The following CDKL4 variants were observed in gnomAD, a reference collection of about 807,000 sequenced individuals.
The protein encoded by CDKL4 is cyclin dependent kinase like 4, also known as cyclin-dependent kinase-like 4.
A neutral mutation model predicts 42.0 loss-of-function variants in CDKL4; 44 were observed. That is an observed-to-expected ratio of 1.05 (90% CI 0.82 to 1.35). The LOEUF is 1.35. Ranked by LOEUF, CDKL4 falls within the 40% of genes most tolerant of loss-of-function variation. The probability of loss-of-function intolerance (pLI) is 0.00; values close to 1 mark genes in which losing one functional copy is unlikely to be tolerated. For synonymous variants in CDKL4, 120 were observed against 121.6 expected, an observed-to-expected ratio of 0.99 and a Z score of 0.09; for missense variants, 393 against 369.9, an observed-to-expected ratio of 1.06 and a Z score of -0.51.
intron 6 of CDKL4, among the ~76,000 whole-genome samples, chr2:39,189,018 TC>T (rs1215192661): frequency 6.6e-6 from 1 of 152,176 alleles, no homozygotes; most frequent in Non-Finnish European, 1.5e-5. Flanking sequence ...GGATTTAAAC[TC>T]AGGTATGTAA....
intron 6 of CDKL4, among the ~76,000 whole-genome samples, chr2:39,188,222 C>T (rs538967612): frequency 6.6e-6 from 1 of 152,246 alleles, no homozygotes; most frequent in African/African-American, 2.4e-5. Context: ...AAGGCCAGTT[C>T]TCCCAAACCA....
chr2:39,223,174 T>C (rs902939951), intron 3 of CDKL4, among the ~76,000 whole-genome samples: 1 of 152,200 alleles, frequency 6.6e-6, no homozygotes, highest in Non-Finnish European at 1.5e-5. Flanking sequence ...TATGGATGGA[T>C]ATACCAAAAT....
chr2:39,226,275 T>A lies in CDKL4; in HGVS notation c.169-315A>T, dbSNP rs149433439. ...AAAAATAATCAATATCCACTCAGCT[T>A]ACATATTGCCATGGATTTTATGGAT... On this transcript the variant is annotated intron_variant, in intron 2 of 9. Coordinates refer to ENST00000451199, the Ensembl canonical transcript of CDKL4. Among the ~76,000 whole-genome samples, 285 of 151,644 alleles carry A rather than the reference T, an allele frequency of 1.9e-3. 2 individuals carry two copies. Among genetic ancestry groups the A allele is most frequent in the African/African-American group, 6.7e-3 (277 of 41,396 alleles).
At chr2:39,190,588 A>G (rs1676126259) in intron 5 of CDKL4, 86 bp from the exon 6 acceptor site, 1 of 1,139,722 alleles carries the variant, frequency 8.8e-7, no homozygotes, top group African/African-American at 1.5e-5. Flanking sequence ...TCAGGCTGCA[A>G]TAACCATCAG....
At chr2:39,184,700 G>C (rs910139526) in intron 7 of CDKL4, 53 bp from the exon 8 acceptor site, 1 of 1,215,572 alleles carries the variant, frequency 8.2e-7, no homozygotes, top group South Asian at 1.2e-5. Flanking sequence ...AGTAATATGT[G>C]TGTGTATATA....
At chr2:39,242,720 G>A (rs1375100429) in intron 1 of CDKL4, among the ~76,000 whole-genome samples, 1 of 152,192 alleles carries the variant, frequency 6.6e-6, no homozygotes, top group East Asian at 1.9e-4. Flanking sequence ...ATCAAGAAAG[G>A]GAGAGGTAGA....
chr2:39,179,124 GCAGA>G, intron 9 of CDKL4, 59 bp downstream of exon 9: 1 of 1,560,524 alleles, frequency 6.4e-7, no homozygotes, highest in South Asian at 1.3e-5. Context: ...ACTTTGAAAG[GCAGA>G]CAAACAAAAA....
At chr2:39,172,322 A>G (rs1675023764), downstream of CDKL4, among the ~76,000 whole-genome samples, 1 of 149,436 alleles carries the variant, frequency 6.7e-6, no homozygotes, top group South Asian at 2.1e-4. Flanking sequence ...CCCGCTCCGA[A>G]AAAAAAAAAA....
rs147600621 is a variant in CDKL4 at position 39,205,518 on chromosome 2, T to C, written c.364-901A>G. 7.4e-3 allele frequency among the ~76,000 whole-genome samples: 1,113 copies of C among 151,426 alleles called. 11 individuals carry two copies. Among genetic ancestry groups the C allele is most frequent in the African/African-American group, 0.026 (1,068 of 41,298 alleles). On this transcript the variant is annotated intron_variant, in intron 4 of 9. Coordinates refer to ENST00000451199, the Ensembl canonical transcript of CDKL4. ...GGCTCGCGCCTGTAATCCAGCACTT[T>C]GGGAGGCCGAGGCGGGCAGATCACG...
chr2:39,231,918 A>G (rs1679110151), intron 1 of CDKL4, among the ~76,000 whole-genome samples: 2 of 152,206 alleles, frequency 1.3e-5, no homozygotes, highest in Non-Finnish European at 2.9e-5. Context: ...CCCTGTCTCT[A>G]AAATAAAATG....
chr2:39,206,061 G>GT (rs11338393), intron 4 of CDKL4, among the ~76,000 whole-genome samples: 29 of 148,532 alleles, frequency 2.0e-4, no homozygotes, highest in African/African-American at 5.0e-4. Flanking sequence ...TTTGTTTTTT[G>GT]TTTTTTTTTT....
intron 1 of CDKL4, among the ~76,000 whole-genome samples, chr2:39,237,627 G>C (rs949518585): frequency 6.6e-6 from 1 of 152,188 alleles, no homozygotes; most frequent in Non-Finnish European, 1.5e-5. Flanking sequence ...AGGCCAAGGT[G>C]GGAGGATTGC....
intron 1 of CDKL4, among the ~76,000 whole-genome samples, chr2:39,237,707 A>G (rs1679446190): frequency 6.6e-6 from 1 of 152,218 alleles, no homozygotes; most frequent in Non-Finnish European, 1.5e-5. Flanking sequence ...ATAAATAGTT[A>G]TTAAATGAAG....
rs1167370938 is a variant in CDKL4, at chr2:39,180,686, CTT to C, written c.793-1367_793-1366del. 3.1e-3 allele frequency among the ~76,000 whole-genome samples: 380 copies of C among 121,044 alleles called. 1 individual carries two copies. Among genetic ancestry groups the C allele is most frequent in the African/African-American group, 0.012 (343 of 29,624 alleles). 79.4% of individuals were successfully genotyped at this position (121,044 alleles called of 152,430 possible). ...TAGGGCTACAATCAGGAGAGAAAGA[CTT>C]TTTTTTTTTTTTTTTTTTTTGAGAC... On this transcript the variant is annotated intron_variant, in intron 8 of 9. Coordinates refer to ENST00000451199, the Ensembl canonical transcript of CDKL4.
intron 5 of CDKL4, among the ~76,000 whole-genome samples, chr2:39,190,891 C>T (rs1676143597): frequency 6.6e-6 from 1 of 152,108 alleles, no homozygotes; most frequent in African/African-American, 2.4e-5. Context: ...TTCTTGCTAC[C>T]TGTGAATGTG....
At chr2:39,202,467 C>G (rs1676916531) in intron 5 of CDKL4, among the ~76,000 whole-genome samples, 1 of 152,126 alleles carries the variant, frequency 6.6e-6, no homozygotes, top group Non-Finnish European at 1.5e-5. Context: ...AATATTTTCT[C>G]CCTTTCCATG....
chr2:39,221,531 A>T (rs1678374121), intron 3 of CDKL4, among the ~76,000 whole-genome samples: 1 of 152,238 alleles, frequency 6.6e-6, no homozygotes, highest in Non-Finnish European at 1.5e-5. Context: ...AATCATTGTT[A>T]TCTAGAAGTA....
intron 1 of CDKL4, among the ~76,000 whole-genome samples, chr2:39,241,199 C>T (rs72923481): frequency 0.02 from 3,020 of 152,130 alleles, 82 homozygotes; most frequent in African/African-American, 0.069. Flanking sequence ...GAAGTATTTA[C>T]GGGTGAAGGG....
chr2:39,242,467 AAGGCAGAT>A (rs1679709391), intron 1 of CDKL4, among the ~76,000 whole-genome samples: 1 of 152,244 alleles, frequency 6.6e-6, no homozygotes. Context: ...TCTGTGTACA[AAGGCAGAT>A]AGGTATAGAA....
Sources: allele counts gnomAD v4.1 joint callset (sites outside exome capture counted in the v4.1 genomes callset), GRCh38; gene constraint gnomAD v4.1.1; transcripts MANE v1.5; gene names NCBI Gene and HGNC (gene_info 2026-07-23, HGNC 2026-07-21).